Variants in KIAA0825 observed in about 807,000 individuals in gnomAD.
The protein encoded by KIAA0825 is uncharacterized protein KIAA0825.
A neutral mutation model predicts 147.6 loss-of-function variants in KIAA0825; 119 were observed. That is an observed-to-expected ratio of 0.81 (90% CI 0.69 to 0.94). The LOEUF (loss-of-function observed/expected upper bound fraction) is 0.94, where lower values mean the gene tolerates loss of function less well. KIAA0825 is among the 40% of genes least tolerant of loss of function. The pLI, the probability that KIAA0825 is intolerant of heterozygous loss-of-function variation, is 0.00. For synonymous variants in KIAA0825, 470 were observed against 518.1 expected (o/e 0.91, Z 1.26); for missense variants, 1,381 against 1,472.7 (o/e 0.94, Z 1.02).
At chr5:94,275,632 T>A (rs1459382850) in intron 20 of KIAA0825, among the ~76,000 whole-genome samples, 1 of 152,120 alleles carries the variant, frequency 6.6e-6, no homozygotes, top group Non-Finnish European at 1.5e-5. Flanking sequence ...GGCAACATGT[T>A]AATGGGTAAT....
At chr5:94,508,641 A>ACC (rs1348530163) in intron 5 of KIAA0825, among the ~76,000 whole-genome samples, 1 of 152,176 alleles carries the variant, frequency 6.6e-6, no homozygotes, top group Non-Finnish European at 1.5e-5. Context: ...GCAGATGCTG[A>ACC]CAAAAAGGTA....
intron 7 of KIAA0825, among the ~76,000 whole-genome samples, chr5:94,474,134 T>C (rs1451070155): frequency 6.6e-6 from 1 of 152,178 alleles, no homozygotes; most frequent in African/African-American, 2.4e-5. Context: ...GTTCCAAGAA[T>C]GAAGAATTAA....
At chr5:94,498,791 A>G (rs1280008972) in intron 5 of KIAA0825, among the ~76,000 whole-genome samples, 1 of 152,184 alleles carries the variant, frequency 6.6e-6, no homozygotes, top group African/African-American at 2.4e-5. Context: ...TCTGGACTGC[A>G]AGGGAAGCTC....
intron 1 of KIAA0825, among the ~76,000 whole-genome samples, chr5:94,589,840 TTAAA>T (rs933946581): frequency 5.1e-5 from 7 of 138,156 alleles, no homozygotes; most frequent in African/African-American, 1.9e-4. Flanking sequence ...CTGTCTCACT[TTAAA>T]AAAAAAAAAA....
At chr5:94,485,887 C>T (rs1762994457) in intron 5 of KIAA0825, among the ~76,000 whole-genome samples, 1 of 151,422 alleles carries the variant, frequency 6.6e-6, no homozygotes, top group African/African-American at 2.4e-5. Flanking sequence ...TTAAAAATAA[C>T]TTGTCTAAAT....
chr5:94,271,541 A>G (rs1162936747), intron 20 of KIAA0825, among the ~76,000 whole-genome samples: 1 of 152,228 alleles, frequency 6.6e-6, no homozygotes, highest in African/African-American at 2.4e-5. Flanking sequence ...TGAGGTCAAG[A>G]GTTCGAGACC....
chr5:94,383,818 T>TGC (rs947492901), intron 20 of KIAA0825, among the ~76,000 whole-genome samples: 2 of 151,868 alleles, frequency 1.3e-5, no homozygotes, highest in Admixed American at 6.6e-5. Context: ...TGTGTGTGTG[T>TGC]GTGTGTATCT....
chr5:94,521,035 A>T, intron 4 of KIAA0825, 118 bp from the exon 5 acceptor site: 2 of 920,878 alleles, frequency 2.2e-6, no homozygotes, highest in Non-Finnish European at 3.1e-6. Flanking sequence ...ATTCCTTAAG[A>T]TTTTATTTTT....
chr5:94,188,487 T>C (rs1770363092), intron 20 of KIAA0825, among the ~76,000 whole-genome samples: 1 of 152,206 alleles, frequency 6.6e-6, no homozygotes, highest in African/African-American at 2.4e-5. Context: ...TCTGTCATTA[T>C]AGTTTTGCTT....
rs184275374 is a variant in KIAA0825 at position 94,612,062 on chromosome 5, T to C, written c.-153+6438A>G. On this transcript the variant is annotated intron_variant, in intron 1 of 20. Coordinates refer to ENST00000682413, the MANE Select transcript of KIAA0825 (RefSeq NM_001145678.3). ...TGCCAAAAATCAGTTGTTTAGCTAATGTTTGCATTTCTAAACTGTTACTGG... is the reference window on the plus strand; with the variant it reads ...TGCCAAAAATCAGTTGTTTAGCTAACGTTTGCATTTCTAAACTGTTACTGG... 3.9e-5 allele frequency: 6 copies of C among 152,334 alleles called. No individual in the cohort carries two copies. In the East Asian group the frequency reaches 1.2e-3, roughly 29 times the overall value. The allele number at this position is 152,334 out of a possible 1,614,324, so 9.4% of individuals were successfully genotyped here.
intron 20 of KIAA0825, among the ~76,000 whole-genome samples, chr5:94,322,367 G>A (rs998419672): frequency 6.6e-5 from 10 of 151,686 alleles, no homozygotes; most frequent in Admixed American, 4.0e-4. Context: ...ATAATAGTTT[G>A]CAATAGGGCA....
intron 20 of KIAA0825, among the ~76,000 whole-genome samples, chr5:94,229,238 TG>T (rs1774475205): frequency 6.6e-6 from 1 of 152,224 alleles, no homozygotes; most frequent in Non-Finnish European, 1.5e-5. Flanking sequence ...AATCCTTGTA[TG>T]TGTGAAAATG....
chr5:94,446,057 C>T (rs1157649947), intron 13 of KIAA0825, among the ~76,000 whole-genome samples: 1 of 152,174 alleles, frequency 6.6e-6, no homozygotes, highest in Non-Finnish European at 1.5e-5. Flanking sequence ...CCTGAGGATA[C>T]TAGAAGTCAC....
chr5:94,206,072 T>A (rs1241833153), intron 20 of KIAA0825, among the ~76,000 whole-genome samples: 4 of 152,186 alleles, frequency 2.6e-5, no homozygotes, highest in Non-Finnish European at 5.9e-5. Context: ...ATCTCTATAG[T>A]AATTTTTACA....
intron 2 of KIAA0825, among the ~76,000 whole-genome samples, chr5:94,576,414 C>T (rs1198598638): frequency 1.3e-5 from 2 of 151,958 alleles, no homozygotes; most frequent in Non-Finnish European, 2.9e-5. Flanking sequence ...TTATGGATTA[C>T]TAGATTAATG....
At chr5:94,336,424 C>A (rs748574160) in intron 20 of KIAA0825, among the ~76,000 whole-genome samples, 52 of 150,990 alleles carry the variant, frequency 3.4e-4, no homozygotes, top group Non-Finnish European at 6.9e-4. Context: ...CCCCACCCCC[C>A]AAACAGGCCC....
At chr5:94,313,163 A>G (rs912069755) in intron 20 of KIAA0825, among the ~76,000 whole-genome samples, 17 of 151,692 alleles carry the variant, frequency 1.1e-4, no homozygotes, top group African/African-American at 4.1e-4. Flanking sequence ...AATGTTCATT[A>G]TATCTTTAAA....
intron 20 of KIAA0825, among the ~76,000 whole-genome samples, chr5:94,371,922 C>T (rs1746770345): frequency 6.6e-6 from 1 of 152,214 alleles, no homozygotes; most frequent in Non-Finnish European, 1.5e-5. Context: ...AAGTTGGTTA[C>T]TTCCTAGATA....
chr5:94,343,724 A>G (rs887945761), intron 20 of KIAA0825, among the ~76,000 whole-genome samples: 1 of 152,140 alleles, frequency 6.6e-6, no homozygotes, highest in African/African-American at 2.4e-5. Context: ...TGAAAAGGCA[A>G]GCCAAGAAAT....
Sources: allele counts gnomAD v4.1 joint callset (sites outside exome capture counted in the v4.1 genomes callset), GRCh38; gene constraint gnomAD v4.1.1; transcripts MANE v1.5; gene names NCBI Gene and HGNC (gene_info 2026-07-23, HGNC 2026-07-21).